HDX: variants seen among roughly 807,000 people sequenced by gnomAD.
HDX encodes highly divergent homeobox.
In HDX, 19 loss-of-function variants were observed where a neutral mutation model predicts 45.2. The observed-to-expected ratio is 0.42, with a 90% confidence interval of 0.29 to 0.62. The LOEUF is 0.62. Among genes scored for constraint, HDX ranks in the 20% least tolerant of loss-of-function variants. The pLI, the probability that HDX is intolerant of heterozygous loss-of-function variation, is 0.20. For synonymous variants in HDX, 188 were observed against 172.8 expected, an observed-to-expected ratio of 1.09 and a Z score of -0.69; for missense variants, 532 against 493.9, an observed-to-expected ratio of 1.08 and a Z score of -0.73.
At chrX:84,335,130 A>G (rs1197567912) in intron 8 of HDX, among the ~76,000 whole-genome samples, 1 of 111,039 alleles carries the variant, frequency 9.0e-6, no homozygotes, top group Non-Finnish European at 1.9e-5. Flanking sequence ...GATGAATCCA[A>G]TATTTTGTTT....
intron 9 of HDX, among the ~76,000 whole-genome samples, chrX:84,332,468 T>C (rs2036864418): frequency 9.0e-6 from 1 of 111,108 alleles, no homozygotes; most frequent in Non-Finnish European, 1.9e-5. Flanking sequence ...CTCCTCTGGT[T>C]TTTAGCGCCA....
intron 1 of HDX, among the ~76,000 whole-genome samples, chrX:84,495,979 A>C (rs940258144): frequency 1.8e-5 from 2 of 111,796 alleles, no homozygotes; most frequent in Non-Finnish European, 3.8e-5. Context: ...ATTCCCCTTG[A>C]GGATGTTGGT....
intron 5 of HDX, among the ~76,000 whole-genome samples, chrX:84,393,135 G>A (rs749083405): frequency 1.8e-5 from 2 of 111,664 alleles, no homozygotes; most frequent in Non-Finnish European, 3.8e-5. Context: ...TCCCCATTCA[G>A]TATGATGTTA....
rs374572339 is a variant in HDX, at chrX:84,490,098, A to G, written c.-109-1966T>C. Reference sequence around the variant, plus strand: ...TCATGTAGGTTAACTTTGTGAGTATACTGTTTAATGTCTGTACAGTCTATT... The same window carrying G: ...TCATGTAGGTTAACTTTGTGAGTATGCTGTTTAATGTCTGTACAGTCTATT... On this transcript the variant is annotated intron_variant, in intron 1 of 10. Coordinates refer to ENST00000373177, the MANE Select transcript of HDX (RefSeq NM_001177479.2). Among the ~76,000 whole-genome samples, 300 of 111,885 alleles carry G rather than the reference A, an allele frequency of 2.7e-3. 1 individual carries two copies. Among genetic ancestry groups the G allele is most frequent in the South Asian group, 0.011 (30 of 2,697 alleles).
At chrX:84,358,611 C>T (rs1408903080) in intron 6 of HDX, among the ~76,000 whole-genome samples, 1 of 112,175 alleles carries the variant, frequency 8.9e-6, no homozygotes, top group Non-Finnish European at 1.9e-5. Flanking sequence ...ATTTGATTTT[C>T]CATCTGGATT....
chrX:84,472,091 A>C (rs750254539), intron 3 of HDX, among the ~76,000 whole-genome samples: 1 of 109,079 alleles, frequency 9.2e-6, no homozygotes, highest in East Asian at 2.9e-4. Context: ...TCTGGAGGGC[A>C]GCTCTGGGCC....
intron 6 of HDX, among the ~76,000 whole-genome samples, chrX:84,358,282 G>A (rs955623990): frequency 4.5e-5 from 5 of 111,901 alleles, no homozygotes; most frequent in African/African-American, 1.6e-4. Context: ...AGGAAGGAAG[G>A]AGTGAGGAAT....
chrX:84,425,066 T>C (rs2039353803), intron 5 of HDX, among the ~76,000 whole-genome samples: 1 of 111,160 alleles, frequency 9.0e-6, no homozygotes, highest in African/African-American at 3.3e-5. Context: ...AAACTACCCA[T>C]CTGGCAAGAT....
chrX:84,460,964 C>T (rs912557942), intron 4 of HDX, among the ~76,000 whole-genome samples: 1 of 110,997 alleles, frequency 9.0e-6, no homozygotes, highest in Non-Finnish European at 1.9e-5. Context: ...TAGGAAATTA[C>T]TAAAAGATAA....
chrX:84,489,484 T>A (rs1286944130), intron 1 of HDX, among the ~76,000 whole-genome samples: 1 of 111,995 alleles, frequency 8.9e-6, no homozygotes, highest in East Asian at 2.8e-4. Flanking sequence ...TTGGGGACTC[T>A]TGGATAGAAC....
intron 5 of HDX, among the ~76,000 whole-genome samples, chrX:84,400,214 C>G (rs955367030): frequency 5.5e-5 from 6 of 109,482 alleles, no homozygotes; most frequent in Non-Finnish European, 1.1e-4. Flanking sequence ...CAAGGGCAAT[C>G]AAGCAAGAGA....
intron 4 of HDX, among the ~76,000 whole-genome samples, chrX:84,445,366 T>C (rs2039849982): frequency 9.0e-6 from 1 of 111,530 alleles, no homozygotes; most frequent in Non-Finnish European, 1.9e-5. Context: ...TGTTTTAGTA[T>C]TAGCTGAGCA....
chrX:84,479,216 C>A (rs1427457240), intron 2 of HDX, among the ~76,000 whole-genome samples: 1 of 111,386 alleles, frequency 9.0e-6, no homozygotes, highest in East Asian at 2.8e-4. Flanking sequence ...TTCCCTTATG[C>A]TGCCTCATTA....
chrX:84,424,906 C>A lies in HDX; in HGVS notation c.1305+15626G>T, dbSNP rs2039350482. Among the ~76,000 whole-genome samples, 3 of 110,148 alleles carry A rather than the reference C, an allele frequency of 2.7e-5. No homozygotes were observed. The South Asian group carries it at 1.2e-3, about 43-fold the overall frequency. On this transcript the variant is annotated intron_variant, in intron 5 of 10. Transcript: ENST00000373177. ...AAAATCTTCAGGAAATTTGTCTGGG[C>A]AAAAATTTCTGGAGCAATACCGCAC...
rs184289455 is a variant in HDX at position 84,318,489 on chromosome X, C to A, written c.*3400G>T. 1 of 110,932 alleles carries A rather than the reference C, an allele frequency of 9.0e-6. No homozygotes were observed. Among genetic ancestry groups the A allele is most frequent in the Admixed American group, 9.6e-5 (1 of 10,373 alleles). The allele number at this position is 110,932 out of a possible 1,213,427, so 9.1% of individuals were successfully genotyped here. Reference sequence around the variant, plus strand: ...GCAGGAGTTAAAGTTTTCAGAATGTCTTTTAAAAAGGATCACAAAATAGTT... The same window carrying A: ...GCAGGAGTTAAAGTTTTCAGAATGTATTTTAAAAAGGATCACAAAATAGTT... On this transcript the variant is annotated 3_prime_UTR_variant, in exon 11 of 11. Coordinates refer to ENST00000373177, the MANE Select transcript of HDX (RefSeq NM_001177479.2).
chrX:84,390,015 G>A (rs142089106), intron 5 of HDX, among the ~76,000 whole-genome samples: 3,441 of 110,528 alleles, frequency 0.031, 151 homozygotes, highest in African/African-American at 0.11. Flanking sequence ...ATCTTGCGCA[G>A]GGTTTCCAGC....
intron 1 of HDX, among the ~76,000 whole-genome samples, chrX:84,499,053 G>C (rs1761117000): frequency 9.0e-6 from 1 of 111,593 alleles, no homozygotes; most frequent in Non-Finnish European, 1.9e-5. Context: ...TGTAAAATGG[G>C]AAATAATACT....
In HDX at chrX:84,468,781, T is replaced by C; in HGVS notation, c.942A>G (p.Ala314=). 8.3e-7 allele frequency: 1 copy of C among 1,211,219 alleles called. No homozygotes were observed. Residue 314 remains alanine (A), a synonymous_variant, in exon 4 of 11, where the codon GCA becomes GCG. Transcript: ENST00000373177. ...AGCTTGGTATCTGTGCTCTCATCGA[T>C]GCCAGCTCTTCCTCTCTGGCATATT... is the stretch of plus-strand genomic sequence containing the variant. ...EDEYAREEEL[A]SMRAQIPSYS...
At chrX:84,342,063 A>G (rs1056173686) in intron 7 of HDX, among the ~76,000 whole-genome samples, 1 of 110,821 alleles carries the variant, frequency 9.0e-6, no homozygotes, top group African/African-American at 3.3e-5. Context: ...TAAATCTTCA[A>G]TCTTCATGGC....
Sources: allele counts gnomAD v4.1 joint callset (sites outside exome capture counted in the v4.1 genomes callset), GRCh38; gene constraint gnomAD v4.1.1; transcripts MANE v1.5; gene names NCBI Gene and HGNC (gene_info 2026-07-23, HGNC 2026-07-21).